The following CHFR variants were observed in gnomAD, a reference collection of about 807,000 sequenced individuals.
CHFR encodes the protein checkpoint with forkhead and ring finger domains, also known as E3 ubiquitin-protein ligase CHFR.
Under a neutral mutation model 87.6 loss-of-function variants are expected in CHFR, and 57 were observed. The observed-to-expected ratio is 0.65, with a 90% confidence interval of 0.53 to 0.81. The LOEUF is 0.81. Among genes scored for constraint, CHFR ranks in the 30% least tolerant of loss-of-function variants. CHFR has a pLI of 0.00. For synonymous variants in CHFR, 381 were observed against 359.2 expected (o/e 1.06, Z -0.69); for missense variants, 797 against 865.8 (o/e 0.92, Z 1.00).
chr12:132,881,383 A>G (rs1390409900), intron 2 of CHFR, among the ~76,000 whole-genome samples: 1 of 152,260 alleles, frequency 6.6e-6, no homozygotes, highest in Non-Finnish European at 1.5e-5. Flanking sequence ...TCCAGAATGT[A>G]TAGAGAACTC....
chr12:132,857,616 C>T (rs1350254597), intron 8 of CHFR, 57 bp from the exon 9 acceptor site: 44 of 1,561,584 alleles, frequency 2.8e-5, no homozygotes, highest in African/African-American at 4.1e-5. Context: ...CCGCGACCCT[C>T]GACCAAGGTC....
At chr12:132,853,349 C>A (rs993756830) in intron 11 of CHFR, 82 bp downstream of exon 11, 4 of 1,351,062 alleles carry the variant, frequency 3.0e-6, no homozygotes, top group Non-Finnish European at 3.8e-6. Flanking sequence ...GCGGGCAGAG[C>A]GCGGCCACGT....
intron 7 of CHFR, among the ~76,000 whole-genome samples, chr12:132,860,946 T>C (rs550437033): frequency 1.3e-5 from 2 of 152,280 alleles, no homozygotes; most frequent in South Asian, 4.1e-4. Context: ...AGAGACGGAG[T>C]TTCACCATGT....
Position 132,851,562 on chromosome 12 carries a change from C to A in CHFR, c.1492+56G>T, listed in dbSNP as rs115551350. On this transcript the variant is annotated intron_variant, in intron 12 of 17. Transcript: ENST00000450056. Reference sequence around the variant, plus strand: ...CCTAAGGCCAACACCGCTTTGAAACCTGACCCCTGAAGGACAGATAGGAAC... The same window carrying A: ...CCTAAGGCCAACACCGCTTTGAAACATGACCCCTGAAGGACAGATAGGAAC... 2.0e-4 allele frequency: 299 copies of A among 1,530,730 alleles called. No individual in the cohort carries two copies. In the African/African-American group the frequency reaches 3.6e-3, roughly 18 times the overall value. 94.8% of individuals were successfully genotyped at this position (1,530,730 alleles called of 1,614,324 possible).
Position 132,834,939 on chromosome 12 carries a change from G to A in CHFR, c.*6615C>T, listed in dbSNP as rs548523904. On this transcript the variant is annotated 3_prime_UTR_variant, in exon 18 of 18. Transcript: ENST00000450056. Reference sequence around the variant, plus strand: ...TCACCATGTTAGCCAGGATGGTCTCGATCTCCTGACCTCGTGATCCGCCCG... The same window carrying A: ...TCACCATGTTAGCCAGGATGGTCTCAATCTCCTGACCTCGTGATCCGCCCG... 8 of 151,268 alleles carry A rather than the reference G, an allele frequency of 5.3e-5. No homozygotes were observed. In the South Asian group the frequency reaches 6.3e-4, roughly 12 times the overall value. The allele number at this position is 151,268 out of a possible 1,614,324, so 9.4% of individuals were successfully genotyped here.
intron 8 of CHFR, 103 bp from the exon 9 acceptor site, chr12:132,857,662 C>A: frequency 5.3e-6 from 6 of 1,141,262 alleles, no homozygotes; most frequent in Non-Finnish European, 7.4e-6. Flanking sequence ...CTACAGGGGC[C>A]CAGCCATCGT....
At chr12:132,846,208 C>T (rs1032536332) in intron 15 of CHFR, among the ~76,000 whole-genome samples, 5 of 152,106 alleles carry the variant, frequency 3.3e-5, no homozygotes, top group African/African-American at 1.2e-4. Context: ...CACCCACCCT[C>T]CCCTACAAGG....
At chr12:132,877,699 CTG>C (rs769369347) in intron 2 of CHFR, 45 bp from the exon 3 acceptor site, 2 of 1,272,724 alleles carry the variant, frequency 1.6e-6, no homozygotes, top group African/African-American at 2.9e-5. Context: ...ATCGTGGTAA[CTG>C]TGAACACTAC....
At chr12:132,886,833 C>T (rs1951906245) in intron 2 of CHFR, among the ~76,000 whole-genome samples, 1 of 152,184 alleles carries the variant, frequency 6.6e-6, no homozygotes, top group Non-Finnish European at 1.5e-5. Flanking sequence ...CCACCGGTTG[C>T]TTTAAGAGTG....
At chr12:132,869,939 TG>T in intron 5 of CHFR, 141 bp from the exon 6 acceptor site, 1 of 968,502 alleles carries the variant, frequency 1.0e-6, no homozygotes, top group Admixed American at 2.2e-5. Flanking sequence ...CCAGGCACGG[TG>T]GTGCAGGCCT....
intron 6 of CHFR, chr12:132,866,302 G>T (rs1951334601): frequency 6.6e-6 from 1 of 152,050 alleles, no homozygotes; most frequent in African/African-American, 2.4e-5. Flanking sequence ...CAACACACCG[G>T]AATGTTAACA....
At chr12:132,856,717 A>G in intron 9 of CHFR, 87 bp from the exon 10 acceptor site, 1 of 1,429,952 alleles carries the variant, frequency 7.0e-7, no homozygotes, top group Non-Finnish European at 9.8e-7. Context: ...TCGCGTGCGC[A>G]GTGCTGCGGA....
Position 132,834,492 on chromosome 12 carries a change from G to A in CHFR, c.*7062C>T, listed in dbSNP as rs1483962228. On this transcript the variant is annotated 3_prime_UTR_variant, in exon 18 of 18. Transcript: ENST00000450056. ...ACCACCAACTTTGCTGCTTAAACTA[G>A]ATTTATTCTCTTGCAGTTCTGGAGC... 4 of 152,230 alleles carry A rather than the reference G, an allele frequency of 2.6e-5. No individual in the cohort carries two copies. The highest frequency in any genetic ancestry group is 2.1e-4 in the South Asian group (1 of 4,824). 9.4% of individuals were successfully genotyped at this position (152,230 alleles called of 1,614,324 possible).
intron 5 of CHFR, among the ~76,000 whole-genome samples, 192 bp downstream of exon 5, chr12:132,870,531 CA>C (rs376516972): frequency 0.4 from 35,953 of 90,894 alleles, 4,635 homozygotes; most frequent in South Asian, 0.49. Flanking sequence ...AACTCCGTCT[CA>C]AAAAAAAAAA....
At position 132,883,803 on chromosome 12, in the gene CHFR, C is replaced by T. The variant is rs369276239; in HGVS notation, c.133+3393G>A. Among the ~76,000 whole-genome samples the T allele has an allele frequency of 2.2e-4, 33 of 152,250 alleles. 3 individuals are homozygous for T. Among genetic ancestry groups the T allele is most frequent in the African/African-American group, 5.5e-4 (23 of 41,544 alleles). ...AATAATGCCTTATAAATGGCAGGCA[C>T]ATCATTGCTTTAAAATAATCAAGTT... On this transcript the variant is annotated intron_variant, in intron 2 of 17. Coordinates refer to ENST00000450056, the MANE Select transcript of CHFR (RefSeq NM_001161346.2).
intron 6 of CHFR, among the ~76,000 whole-genome samples, chr12:132,868,597 G>C (rs977306457): frequency 6.6e-6 from 1 of 151,592 alleles, no homozygotes; most frequent in African/African-American, 2.4e-5. Context: ...GGAGAATGGC[G>C]TGAACCTGGG....
At chr12:132,868,163 C>G (rs1951392619) in intron 6 of CHFR, among the ~76,000 whole-genome samples, 1 of 152,170 alleles carries the variant, frequency 6.6e-6, no homozygotes, top group Non-Finnish European at 1.5e-5. Flanking sequence ...ACATCCTCTT[C>G]TGGATGAACT....
chr12:132,883,198 C>T (rs1417119720), intron 2 of CHFR, among the ~76,000 whole-genome samples: 7 of 151,974 alleles, frequency 4.6e-5, no homozygotes, highest in African/African-American at 1.7e-4. Flanking sequence ...GAGGCCGAGG[C>T]GGGAGGATCA....
chr12:132,850,326 C>T (rs531874913), intron 12 of CHFR, among the ~76,000 whole-genome samples: 8 of 152,292 alleles, frequency 5.3e-5, no homozygotes, highest in Admixed American at 2.6e-4. Context: ...AGTCTTATAA[C>T]GCCTACGACC....
Sources: gnomAD v4.1 joint callset for allele counts (sites outside exome capture counted in the v4.1 genomes callset) on GRCh38, gnomAD v4.1.1 for gene constraint, MANE v1.5 for transcripts, NCBI Gene and HGNC (gene_info 2026-07-23, HGNC 2026-07-21) for gene names.